The following SMARCD1 variants were observed in gnomAD, a reference collection of about 807,000 sequenced individuals.
The protein encoded by SMARCD1 is SWI/SNF-related matrix-associated actin-dependent regulator of chromatin subfamily D member 1.
Under a neutral mutation model 70.8 loss-of-function variants are expected in SMARCD1, and 16 were observed. That is an observed-to-expected ratio of 0.23 (90% confidence interval 0.15 to 0.34). The LOEUF (loss-of-function observed/expected upper bound fraction) is 0.34. Among genes scored for constraint, SMARCD1 ranks in the 10% least tolerant of loss-of-function variants. SMARCD1 has a pLI of 1.00. For missense variants in SMARCD1, 409 were observed against 655.5 expected (o/e 0.62, Z 4.11); for synonymous variants, 249 against 246.0 (o/e 1.01, Z -0.11).
At chr12:50,097,677 A>AGGTCAGGAGTTTG (rs1254817826) in intron 11 of SMARCD1, among the ~76,000 whole-genome samples, 3 of 152,000 alleles carry the variant, frequency 2.0e-5, no homozygotes, top group Non-Finnish European at 4.4e-5. Flanking sequence ...AGATCACCTG[A>AGGTCAGGAGTTTG]GGTCAGGAGT....
chr12:50,086,568 TC>T (rs1950793257), intron 2 of SMARCD1, 52 bp from the exon 3 acceptor site: 2 of 1,573,274 alleles, frequency 1.3e-6, no homozygotes, highest in East Asian at 4.5e-5. Flanking sequence ...CAGCTTATTT[TC>T]ACGTTCTGAC....
chr12:50,095,388 A>G (rs1438473913), intron 10 of SMARCD1, among the ~76,000 whole-genome samples: 2 of 151,336 alleles, frequency 1.3e-5, no homozygotes, highest in East Asian at 2.0e-4. Flanking sequence ...GTGCAATGGC[A>G]TGATCTTGGC....
At chr12:50,086,371 G>A (rs2137871523) in intron 2 of SMARCD1, 23 bp downstream of exon 2, 1 of 1,033,652 alleles carries the variant, frequency 9.7e-7, no homozygotes, top group Non-Finnish European at 1.3e-6. Context: ...TGGGGCAGAG[G>A]GAGGGAGGGA....
At position 50,099,586 on chromosome 12, in the gene SMARCD1, G is replaced by A. The variant is rs771160347; in HGVS notation, c.*586G>A. 11 of 362,018 alleles carry A rather than the reference G, an allele frequency of 3.0e-5. No homozygotes were observed. The highest frequency in any genetic ancestry group is 4.9e-5 in the Non-Finnish European group (10 of 202,850). The allele number at this position is 362,018 out of a possible 1,614,324, so 22.4% of individuals were successfully genotyped here. A position where few individuals can be genotyped will look rare whatever the true frequency, so the allele number is the denominator to read the frequency against. On this transcript the variant is annotated 3_prime_UTR_variant, in exon 13 of 13. Coordinates refer to ENST00000394963, the MANE Select transcript of SMARCD1 (RefSeq NM_003076.5). ...CCCAGGTCAGTCCCCAGCCCTCTGG[G>A]TTGGCCTGCTGTCAGTGCTTCTCTC...
At position 50,085,459 on chromosome 12, in the gene SMARCD1, G is replaced by A. The variant is rs1214124988; in HGVS notation, c.90G>A (p.Pro30=). 2 of 1,239,222 alleles carry A rather than the reference G, an allele frequency of 1.6e-6. No individual in the cohort carries two copies. Among genetic ancestry groups the A allele is most frequent in the Non-Finnish European group, 2.0e-6 (2 of 992,154 alleles). 76.8% of individuals were successfully genotyped at this position (1,239,222 alleles called of 1,614,324 possible). A position where few individuals can be genotyped will look rare whatever the true frequency, so the allele number is the denominator to read the frequency against. Residue 30 remains proline (P), a synonymous_variant, in exon 1 of 13, where the codon CCG becomes CCA. Coordinates refer to ENST00000394963, the MANE Select transcript of SMARCD1 (RefSeq NM_003076.5). ...GGAGAAAALG[P]GGTPGPPVRM... ...CGGGCGCGGCTGCTGCCTTGGGCCC[G>A]GGCGGAACTCCGGGGCCTCCTGTGC... is the stretch of plus-strand genomic sequence containing the variant.
At chr12:50,097,973 A>G (rs1950907890) in intron 11 of SMARCD1, among the ~76,000 whole-genome samples, 1 of 152,090 alleles carries the variant, frequency 6.6e-6, no homozygotes, top group African/African-American at 2.4e-5. Flanking sequence ...CAGTGAGACT[A>G]GAATCTCTGG....
rs1950877050 is a variant in SMARCD1 at position 50,094,714 on chromosome 12, G to C, written c.1269+142G>C. ...CTGTGCTTGGTGCTGGTTTGAGCCA[G>C]ACTCAAATGAATTCTGATTGTGGGG... On this transcript the variant is annotated intron_variant, in intron 10 of 12. Coordinates refer to ENST00000394963, the MANE Select transcript of SMARCD1 (RefSeq NM_003076.5). 9.4e-6 allele frequency: 7 copies of C among 743,926 alleles called. No homozygotes were observed. The South Asian group carries it at 1.4e-4, about 15-fold the overall frequency. 46.1% of individuals were successfully genotyped at this position (743,926 alleles called of 1,614,324 possible).
rs367993474 is a variant in SMARCD1 at position 50,090,410 on chromosome 12, A to G, written c.1035+8A>G. 1.2e-5 allele frequency: 19 copies of G among 1,613,766 alleles called. No individual in the cohort carries two copies. The highest frequency in any genetic ancestry group is 1.5e-5 in the Non-Finnish European group (18 of 1,179,840). The stretch of plus-strand genomic sequence containing the variant: ...GACAAGTACCTGCAGCAGGTAAGTA[A>G]TGGACCCATTCTTTTGCTAGAATCC... On this transcript the variant is annotated splice_region_variant and intron_variant, in intron 8 of 12. Transcript: ENST00000394963.
intron 9 of SMARCD1, among the ~76,000 whole-genome samples, chr12:50,090,962 C>T (rs1950837857): frequency 6.6e-6 from 1 of 151,324 alleles, no homozygotes; most frequent in Non-Finnish European, 1.5e-5. Context: ...GTAGCCGGGA[C>T]TACAGGCACC....
At chr12:50,087,154 T>A (rs1196172967) in intron 4 of SMARCD1, among the ~76,000 whole-genome samples, 2 of 152,206 alleles carry the variant, frequency 1.3e-5, no homozygotes, top group Non-Finnish European at 2.9e-5. Context: ...CTTGCATGAC[T>A]TTGTCCACCT....
At chr12:50,093,601 G>A (rs1043095483) in intron 9 of SMARCD1, among the ~76,000 whole-genome samples, 11 of 152,052 alleles carry the variant, frequency 7.2e-5, no homozygotes, top group African/African-American at 1.7e-4. Flanking sequence ...CTCCCACCTC[G>A]CCTCCTGAGC....
At chr12:50,090,104 C>A in intron 7 of SMARCD1, 119 bp downstream of exon 7, 1 of 1,266,580 alleles carries the variant, frequency 7.9e-7, no homozygotes, top group East Asian at 2.3e-5. Flanking sequence ...GAGATAGAGT[C>A]TTAGTCATCT....
intron 9 of SMARCD1, among the ~76,000 whole-genome samples, chr12:50,091,683 T>C (rs991351199): frequency 2.6e-5 from 4 of 152,058 alleles, no homozygotes; most frequent in African/African-American, 9.7e-5. Context: ...TTCAAGCAAT[T>C]CTCCCTCCCC....
intron 5 of SMARCD1, among the ~76,000 whole-genome samples, chr12:50,088,018 T>A (rs1950807187): frequency 1.3e-5 from 2 of 152,176 alleles, no homozygotes; most frequent in Admixed American, 1.3e-4. Context: ...CCTTACATTC[T>A]CTGGCTCTTA....
At chr12:50,088,275 TG>T (rs1950809948) in intron 5 of SMARCD1, 1 of 702,602 alleles carries the variant, frequency 1.4e-6, no homozygotes, top group African/African-American at 1.7e-5. Context: ...TCATTTCCCT[TG>T]GGCAAATGAG....
At chr12:50,092,472 T>C (rs1950854626) in intron 9 of SMARCD1, among the ~76,000 whole-genome samples, 1 of 150,436 alleles carries the variant, frequency 6.6e-6, no homozygotes, top group Non-Finnish European at 1.5e-5. Context: ...TCCACCCGCC[T>C]CGGCCTCCCA....
At chr12:50,093,937 G>A (rs1276186803) in intron 9 of SMARCD1, among the ~76,000 whole-genome samples, 1 of 151,934 alleles carries the variant, frequency 6.6e-6, no homozygotes, top group African/African-American at 2.4e-5. Flanking sequence ...GAGCTACCAC[G>A]TCCGGCTAGT....
chr12:50,086,486 T>TGGG (rs1950791934), intron 2 of SMARCD1, 135 bp from the exon 3 acceptor site: 1 of 959,792 alleles, frequency 1.0e-6, no homozygotes. Context: ...TGCTTGGTGG[T>TGGG]GGTGGTGGTG....
In SMARCD1 at chr12:50,086,496, G is replaced by A. The variant is rs369380931; in HGVS notation, c.366-125G>A. On this transcript the variant is annotated intron_variant, in intron 2 of 12. Transcript: ENST00000394963. ...GAGAATGCTTGGTGGTGGTGGTGGT[G>A]GTGGTAGTTCTTTGAGAGAAGCTTT... The A allele has an allele frequency of 1.3e-5, 15 of 1,139,212 alleles. No individual in the cohort carries two copies. In the African/African-American group the frequency reaches 2.2e-4, roughly 17 times the overall value. 70.6% of individuals were successfully genotyped at this position (1,139,212 alleles called of 1,614,324 possible). A position where few individuals can be genotyped will look rare whatever the true frequency, so the allele number is the denominator to read the frequency against.
Sources: allele counts gnomAD v4.1 joint callset (sites outside exome capture counted in the v4.1 genomes callset), GRCh38; gene constraint gnomAD v4.1.1; transcripts MANE v1.5; gene names NCBI Gene and HGNC (gene_info 2026-07-23, HGNC 2026-07-21).